NCBP1: variants seen among roughly 807,000 people sequenced by gnomAD.
The protein encoded by NCBP1 is nuclear cap binding protein subunit 1, also known as nuclear cap-binding protein subunit 1.
NCBP1 carries 16 observed loss-of-function variants against 111.7 expected under a neutral mutation model. The observed-to-expected ratio is 0.14, with a 90% CI of 0.10 to 0.22. The LOEUF (loss-of-function observed/expected upper bound fraction) is 0.22. Ranked by LOEUF, NCBP1 falls within the 10% of genes least tolerant of loss-of-function variation. The pLI, the probability that NCBP1 is intolerant of heterozygous loss-of-function variation, is 1.00. For synonymous variants in NCBP1, 304 were observed against 314.3 expected (o/e 0.97, Z 0.35); for missense variants, 607 against 957.5 (o/e 0.63, Z 4.83).
chr9:97,669,786 T>A lies in NCBP1; in HGVS notation c.2259+80T>A, dbSNP rs1828124286. 2.9e-6 allele frequency: 3 copies of A among 1,019,120 alleles called. No homozygotes were observed. The East Asian group carries it at 7.5e-5, about 26-fold the overall frequency. 63.1% of individuals were successfully genotyped at this position (1,019,120 alleles called of 1,614,324 possible). On this transcript the variant is annotated intron_variant, in intron 22 of 22. Coordinates refer to ENST00000375147, the MANE Select transcript of NCBP1 (RefSeq NM_002486.5). ...TCATTAAAAAAAATCCTTGTCAAAT[T>A]TGTTAGGAGGTTATATAGTACCTGT...
Position 97,643,204 on chromosome 9 carries a change from T to C in NCBP1, c.225T>C (p.Val75=), listed in dbSNP as rs751992509. The change falls in exon 4 of 23, where the codon GTT becomes GTC. Residue 75 remains valine (V), a splice_region_variant and synonymous_variant. Transcript: ENST00000375147. ...KSKILRLLCT[V]ARLLPEKLTI... is the part of the protein sequence containing the mutation. ...TTGTTATACTGGGTTCTTAAATCAG[T>C]GCACGCCTATTACCTGAGAAGCTGA... The C allele has an allele frequency of 3.7e-6, 6 of 1,602,560 alleles. No homozygotes were observed. The South Asian group carries it at 6.8e-5, about 18-fold the overall frequency.
At chr9:97,635,530 C>T (rs1172417413) in intron 1 of NCBP1, among the ~76,000 whole-genome samples, 2 of 151,918 alleles carry the variant, frequency 1.3e-5, no homozygotes, top group Non-Finnish European at 2.9e-5. Flanking sequence ...CCCACCTCAG[C>T]CTCCTAAGTA....
At chr9:97,636,637 C>CATATAT (rs377027165) in intron 1 of NCBP1, among the ~76,000 whole-genome samples, 2,352 of 111,048 alleles carry the variant, frequency 0.021, 41 homozygotes, top group East Asian at 0.046. Flanking sequence ...GAAAGTAATA[C>CATATAT]ATATATATAT....
chr9:97,653,940 C>G (rs745841524), intron 11 of NCBP1, 32 bp downstream of exon 11: 1 of 1,532,438 alleles, frequency 6.5e-7, no homozygotes. Context: ...AACTTAATCT[C>G]TTTGGCCTGG....
rs867056953 is a variant in NCBP1, at chr9:97,657,935, T to A, written c.1374-705T>A. On this transcript the variant is annotated intron_variant, in intron 14 of 22. Transcript: ENST00000375147. The stretch of plus-strand genomic sequence containing the variant: ...ATATATATATATATATATTTTTTTT[T>A]TTTTTTTTAACGTCCCCAGCCATTC... Among the ~76,000 whole-genome samples the A allele has an allele frequency of 9.3e-3, 1,331 of 143,138 alleles. 20 individuals are homozygous for A. The highest frequency in any genetic ancestry group is 0.034 in the African/African-American group (1,269 of 37,544). 93.9% of individuals were successfully genotyped at this position (143,138 alleles called of 152,430 possible).
rs547391704 is a variant in NCBP1, at chr9:97,672,191, T to C, written c.*992T>C. On this transcript the variant is annotated 3_prime_UTR_variant, in exon 23 of 23. Transcript: ENST00000375147. ...AATAATACACAAATATGAGGAATTG[T>C]CTGACATTCCAAATTTCGAGGATTT... 6.6e-5 allele frequency: 10 copies of C among 152,344 alleles called. No homozygotes were observed. The highest frequency in any genetic ancestry group is 2.4e-4 in the African/African-American group (10 of 41,582). The allele number at this position is 152,344 out of a possible 1,614,324, so 9.4% of individuals were successfully genotyped here. A position where few individuals can be genotyped will look rare whatever the true frequency, so the allele number is the denominator to read the frequency against.
intron 22 of NCBP1, 195 bp downstream of exon 22, chr9:97,669,901 T>C (rs1347929685): frequency 7.8e-6 from 5 of 636,998 alleles, no homozygotes; most frequent in African/African-American, 3.6e-5. Flanking sequence ...AGATTCCTAA[T>C]TGCCACCCCC....
At chr9:97,640,713 G>T in intron 1 of NCBP1, 81 bp from the exon 2 acceptor site, 1 of 1,099,332 alleles carries the variant, frequency 9.1e-7, no homozygotes, top group African/African-American at 1.6e-5. Flanking sequence ...GTAGAAAAGA[G>T]ATTATAACCT....
intron 1 of NCBP1, among the ~76,000 whole-genome samples, chr9:97,635,125 G>A (rs1302231209): frequency 6.6e-6 from 1 of 152,188 alleles, no homozygotes; most frequent in African/African-American, 2.4e-5. Context: ...GGTGGAGGCA[G>A]AATCGCATGC....
intron 13 of NCBP1, 59 bp downstream of exon 13, chr9:97,655,823 T>C (rs1208333648): frequency 2.7e-6 from 4 of 1,486,376 alleles, no homozygotes; most frequent in Admixed American, 3.9e-5. Flanking sequence ...TGTTTAAAAC[T>C]GTAACATAAA....
intron 10 of NCBP1, 122 bp from the exon 11 acceptor site, chr9:97,653,676 A>C: frequency 1.6e-6 from 1 of 621,322 alleles, no homozygotes; most frequent in Non-Finnish European, 2.6e-6. Flanking sequence ...AATATTAAAA[A>C]GTAATTCCAT....
rs1420146496 is a variant in NCBP1 at position 97,672,012 on chromosome 9, G to A, written c.*813G>A. ...GTAGTGAGTTACAGAATACTAAAGT[G>A]GATGTAGAAGTGGTCAGATTGACTG... On this transcript the variant is annotated 3_prime_UTR_variant, in exon 23 of 23. Coordinates refer to ENST00000375147, the MANE Select transcript of NCBP1 (RefSeq NM_002486.5). 6.6e-6 allele frequency: 1 copy of A among 152,134 alleles called. No individual in the cohort carries two copies. Among genetic ancestry groups the A allele is most frequent in the Non-Finnish European group, 1.5e-5 (1 of 68,030 alleles). The allele number at this position is 152,134 out of a possible 1,614,324, so 9.4% of individuals were successfully genotyped here.
At chr9:97,656,950 C>T (rs1827674754) in intron 14 of NCBP1, among the ~76,000 whole-genome samples, 1 of 152,068 alleles carries the variant, frequency 6.6e-6, no homozygotes, top group African/African-American at 2.4e-5. Flanking sequence ...CCTGTCTGGT[C>T]TGGAGTGTTT....
chr9:97,668,613 A>G (rs999459953), intron 20 of NCBP1, among the ~76,000 whole-genome samples: 6 of 152,150 alleles, frequency 3.9e-5, no homozygotes, highest in African/African-American at 1.4e-4. Context: ...AGTGCCACTA[A>G]ATTTCCCTGG....
rs1827383213 is a variant in NCBP1, at chr9:97,647,635, C to CA, written c.681+75dup. On this transcript the variant is annotated intron_variant, in intron 7 of 22. Transcript: ENST00000375147. ...TAGATTCTTATCTCTGTAAGATACT[C>CA]AGACCATTCCATTTTACCCTTTGAC... 18 of 1,239,186 alleles carry CA rather than the reference C, an allele frequency of 1.5e-5. 1 individual carries two copies. The South Asian group carries it at 2.3e-4, about 16-fold the overall frequency. The allele number at this position is 1,239,186 out of a possible 1,614,324, so 76.8% of individuals were successfully genotyped here. A position where few individuals can be genotyped will look rare whatever the true frequency, so the allele number is the denominator to read the frequency against.
chr9:97,657,061 G>C (rs1179512967), intron 14 of NCBP1, among the ~76,000 whole-genome samples: 2 of 152,098 alleles, frequency 1.3e-5, no homozygotes, highest in African/African-American at 2.4e-5. Flanking sequence ...CGCCACCTCC[G>C]GGTTCACGCC....
At position 97,666,803 on chromosome 9, in the gene NCBP1, A is replaced by T; in HGVS notation, c.1942A>T (p.Met648Leu). The change falls in exon 20 of 23, where the codon ATG (methionine) becomes TTG (leucine). Residue 648 changes from methionine (M) to leucine (L), a missense_variant. Transcript: ENST00000375147. The part of the protein sequence containing the change: ...WEILHSTIRK[M>L]NKHVLKIQKE... ...AATTTTGCACTCTACAATTCGTAAG[A>T]TGAACAAACATGTCCTGAAGATCCA... The T allele has an allele frequency of 6.2e-7, 1 of 1,609,780 alleles. No individual in the cohort carries two copies. The highest frequency in any genetic ancestry group is 8.5e-7 in the Non-Finnish European group (1 of 1,178,640).
At chr9:97,654,625 A>T (rs914453732) in intron 11 of NCBP1, among the ~76,000 whole-genome samples, 6 of 151,984 alleles carry the variant, frequency 3.9e-5, no homozygotes, top group African/African-American at 1.4e-4. Flanking sequence ...GCCTGTGCGT[A>T]TGGAGGGGCA....
chr9:97,660,755 A>T (rs755077214), intron 15 of NCBP1, among the ~76,000 whole-genome samples, 191 bp from the exon 16 acceptor site: 2 of 152,190 alleles, frequency 1.3e-5, no homozygotes, highest in Non-Finnish European at 2.9e-5. Flanking sequence ...TTTAGGTGAA[A>T]AACCATTAAC....
Sources: allele counts gnomAD v4.1 joint callset (sites outside exome capture counted in the v4.1 genomes callset), GRCh38; gene constraint gnomAD v4.1.1; transcripts MANE v1.5; gene names NCBI Gene and HGNC (gene_info 2026-07-23, HGNC 2026-07-21).